Variants in PRAG1 observed in about 807,000 individuals in gnomAD.
The protein encoded by PRAG1 is PEAK1 related, kinase-activating pseudokinase 1, also known as inactive tyrosine-protein kinase PRAG1.
A neutral mutation model predicts 95.6 loss-of-function variants in PRAG1; 110 were observed. The ratio of observed to expected loss-of-function variants is 1.15; its 90% CI spans 0.99 to 1.35. PRAG1 has a LOEUF of 1.35. PRAG1 is among the 40% of genes most tolerant of loss of function. The pLI is 0.00. For synonymous variants in PRAG1, 1,052 were observed against 819.4 expected (o/e 1.28, Z -4.85); for missense variants, 2,554 against 1,864.7 (o/e 1.37, Z -6.81).
chr8:8,341,309 C>CAT (rs1248578140), intron 3 of PRAG1, among the ~76,000 whole-genome samples: 2 of 151,946 alleles, frequency 1.3e-5, no homozygotes, highest in South Asian at 2.1e-4. Context: ...TATGTATGAG[C>CAT]ATATATATAT....
chr8:8,347,329 T>G (rs1799378956), intron 3 of PRAG1, among the ~76,000 whole-genome samples: 1 of 152,172 alleles, frequency 6.6e-6, no homozygotes, highest in African/African-American at 2.4e-5. Context: ...AGCTCAGAGC[T>G]CTCTGTTTCC....
In PRAG1 at chr8:8,318,849, C is replaced by T. The variant is rs1354123527; in HGVS notation, c.3526G>A (p.Ala1176Thr). 1 of 930,344 alleles carries T rather than the reference C, an allele frequency of 1.1e-6. No individual in the cohort carries two copies. The highest frequency in any genetic ancestry group is 1.3e-6 in the Non-Finnish European group (1 of 768,014). 57.6% of individuals were successfully genotyped at this position (930,344 alleles called of 1,614,324 possible). A position where few individuals can be genotyped will look rare whatever the true frequency, so the allele number is the denominator to read the frequency against. The part of the protein sequence containing the change: ...PAPAPAPAPA[A>T]AAPPCSSAAP... ...GCAGAGGAGCAGGGAGGCGCGGCGG[C>T]GGCGGGGGCGGGAGCCGGGGCGGGG... Residue 1176 changes from alanine to threonine, a missense_variant, in exon 6 of 6, where the codon GCC (alanine) becomes ACC (threonine). Transcript: ENST00000615670. The surrounding 1 kb of genome is among the most constrained non-coding windows in gnomAD (Gnocchi z 4.2).
At chr8:8,385,222 C>T (rs537301715) in intron 1 of PRAG1, among the ~76,000 whole-genome samples, 1 of 152,298 alleles carries the variant, frequency 6.6e-6, no homozygotes, top group Middle Eastern at 3.4e-3. Flanking sequence ...GTCTGAACTT[C>T]AGCACACTCC....
chr8:8,330,128 G>A (rs13264506), intron 4 of PRAG1, among the ~76,000 whole-genome samples: 1 of 152,176 alleles, frequency 6.6e-6, no homozygotes, highest in Non-Finnish European at 1.5e-5. Flanking sequence ...CACTTTGGGA[G>A]GCCAAGGCGG....
At position 8,328,066 on chromosome 8, in the gene PRAG1, C is replaced by A. The variant is rs200130163; in HGVS notation, c.2716G>T (p.Gly906Trp). ...AGLAGNRGGC[G>W]SPGLQCKGAP... The stretch of plus-strand genomic sequence containing the variant: ...CCTTTGCACTGGAGGCCAGGGCTCC[C>A]GCAGCCGCCTCTGTTGCCCGCCAGC... Residue 906 changes from glycine to tryptophan, a missense_variant, in exon 5 of 6, where the codon GGG (glycine) becomes TGG (tryptophan). Physicochemically the swap from Gly to Trp is radical, Grantham distance 184. Transcript: ENST00000615670. 1.1e-5 allele frequency: 18 copies of A among 1,598,686 alleles called. No individual in the cohort carries two copies. Among genetic ancestry groups the A allele is most frequent in the Middle Eastern group, 1.7e-4 (1 of 5,986 alleles).
chr8:8,350,955 G>C (rs1024376936), intron 3 of PRAG1, among the ~76,000 whole-genome samples: 2 of 152,124 alleles, frequency 1.3e-5, no homozygotes, highest in African/African-American at 4.8e-5. Flanking sequence ...TGCATGGATG[G>C]ATGGATGAAT....
At chr8:8,320,881 G>C (rs1798452120) in intron 5 of PRAG1, among the ~76,000 whole-genome samples, 1 of 152,210 alleles carries the variant, frequency 6.6e-6, no homozygotes, top group African/African-American at 2.4e-5. Context: ...TGGCATACAA[G>C]AGCTTGGCCT....
intron 3 of PRAG1, among the ~76,000 whole-genome samples, chr8:8,345,379 AAAAG>A (rs1554506091): frequency 2.6e-5 from 4 of 151,436 alleles, no homozygotes; most frequent in Admixed American, 6.6e-5. Context: ...AAAAAAAAAA[AAAAG>A]AAAGAAAGAA....
At chr8:8,384,138 C>T (rs776258725) in intron 1 of PRAG1, among the ~76,000 whole-genome samples, 1 of 152,160 alleles carries the variant, frequency 6.6e-6, no homozygotes, top group Admixed American at 6.5e-5. Flanking sequence ...GAGGTGGGTG[C>T]CCAACCACTT....
At chr8:8,331,058 A>T (rs1326502115) in intron 4 of PRAG1, among the ~76,000 whole-genome samples, 1 of 152,092 alleles carries the variant, frequency 6.6e-6, no homozygotes, top group African/African-American at 2.4e-5. Context: ...TATCATCAAC[A>T]CAACAGAAGC....
chr8:8,318,143 TG>T lies in PRAG1; in HGVS notation c.*10del. The stretch of plus-strand genomic sequence containing the variant: ...GGGAAGGGGCAGCGACGGTGCAGGC[TG>T]GGGCTTGGCTCACAGAAGCTGCAGG... On this transcript the variant is annotated 3_prime_UTR_variant, in exon 6 of 6. Transcript: ENST00000615670. This position sits in a 1 kb window ranked among gnomAD's most constrained non-coding sequence, Gnocchi z 4.2. The T allele has an allele frequency of 2.5e-6, 4 of 1,606,984 alleles. No individual in the cohort carries two copies. The highest frequency in any genetic ancestry group is 3.4e-6 in the Non-Finnish European group (4 of 1,176,366).
At position 8,339,489 on chromosome 8, in the gene PRAG1, C is replaced by T; in HGVS notation, c.2309G>A (p.Cys770Tyr). Residue 770 changes from cysteine (C) to tyrosine (Y), a missense_variant, in exon 4 of 6, where the codon TGC becomes TAC. Physicochemically the swap from Cys to Tyr is radical, Grantham distance 194. Transcript: ENST00000615670. ...TDSLASDSRT[C>Y]SDGGPSSELA... is the part of the protein sequence containing the mutation. The stretch of plus-strand genomic sequence containing the variant: ...GTCAAGTTTGTTACCTCCATCGCTG[C>T]AGGTCCTAGAGTCTGAGGCCAGGCT... 1 of 1,613,994 alleles carries T rather than the reference C, an allele frequency of 6.2e-7. No individual in the cohort carries two copies. Among genetic ancestry groups the T allele is most frequent in the Non-Finnish European group, 8.5e-7 (1 of 1,179,930 alleles).
At chr8:8,348,535 T>A (rs1799419458) in intron 3 of PRAG1, among the ~76,000 whole-genome samples, 1 of 152,088 alleles carries the variant, frequency 6.6e-6, no homozygotes, top group Admixed American at 6.6e-5. Context: ...CCCTCCTAAA[T>A]CCTCTGTTCC....
At chr8:8,327,669 G>C (rs373050545) in intron 5 of PRAG1, 41 bp downstream of exon 5, 3 of 1,575,290 alleles carry the variant, frequency 1.9e-6, no homozygotes, top group South Asian at 2.4e-5. Context: ...GCCAGCACCA[G>C]CCAGTGGCAC....
chr8:8,335,559 A>G (rs1798959470), intron 4 of PRAG1, among the ~76,000 whole-genome samples: 1 of 152,100 alleles, frequency 6.6e-6, no homozygotes, highest in Non-Finnish European at 1.5e-5. Flanking sequence ...AAAAAAAAGT[A>G]TTGACTTTAT....
At chr8:8,375,094 T>C (rs1275188379) in intron 3 of PRAG1, among the ~76,000 whole-genome samples, 2 of 152,048 alleles carry the variant, frequency 1.3e-5, no homozygotes, top group African/African-American at 4.8e-5. Flanking sequence ...AAAAAAAAAT[T>C]TATTTTTCTC....
intron 3 of PRAG1, among the ~76,000 whole-genome samples, chr8:8,372,830 T>C (rs1212055314): frequency 2.6e-5 from 4 of 152,208 alleles, no homozygotes; most frequent in African/African-American, 7.2e-5. Context: ...AATAGGGCGA[T>C]AAACAGAACA....
At chr8:8,357,205 A>T (rs1799709445) in intron 3 of PRAG1, among the ~76,000 whole-genome samples, 1 of 152,210 alleles carries the variant, frequency 6.6e-6, no homozygotes, top group African/African-American at 2.4e-5. Context: ...GAATAAAAAC[A>T]TGTTGTGCAT....
Position 8,377,943 on chromosome 8 carries a change from G to T in PRAG1, c.466C>A (p.Pro156Thr). The T allele has an allele frequency of 6.2e-7, 1 of 1,613,998 alleles. No individual in the cohort carries two copies. The highest frequency in any genetic ancestry group is 8.5e-7 in the Non-Finnish European group (1 of 1,180,008). The change falls in exon 3 of 6, where the codon CCC becomes ACC. Residue 156 changes from proline to threonine, a missense_variant. Physicochemically the swap from Pro to Thr is conservative, Grantham distance 38 (BLOSUM62 -1). Transcript: ENST00000615670. The stretch of plus-strand genomic sequence containing the variant: ...AGGCCGACCATGGTGTAAGCTGGGG[G>T]ACAGCGAGAATTGCCATCAGGGGAG... ...STSPDGNSRC[P>T]PAYTMVGLHN...
Sources: allele counts gnomAD v4.1 joint callset (sites outside exome capture counted in the v4.1 genomes callset), GRCh38; gene constraint gnomAD v4.1.1; non-coding constraint Gnocchi (gnomAD v3.1); transcripts MANE v1.5; gene names NCBI Gene and HGNC (gene_info 2026-07-23, HGNC 2026-07-21).